The following CACNA2D3 variants were observed in gnomAD, a reference collection of about 807,000 sequenced individuals.
CACNA2D3 encodes voltage-dependent calcium channel subunit alpha-2/delta-3.
A neutral mutation model predicts 160.6 loss-of-function variants in CACNA2D3; 60 were observed. The observed-to-expected ratio is 0.37, with a 90% CI of 0.30 to 0.46. CACNA2D3 has a LOEUF of 0.46. Ranked by LOEUF, CACNA2D3 falls within the 20% of genes least tolerant of loss-of-function variation. The pLI, the probability that CACNA2D3 is intolerant of heterozygous loss-of-function variation, is 1.00. For synonymous variants in CACNA2D3, 558 were observed against 492.9 expected (o/e 1.13, Z -1.75); for missense variants, 1,205 against 1,365.0 (o/e 0.88, Z 1.85).
chr3:54,567,109 C>T (rs1205283054), intron 6 of CACNA2D3, among the ~76,000 whole-genome samples: 1 of 152,158 alleles, frequency 6.6e-6, no homozygotes, highest in Non-Finnish European at 1.5e-5. Flanking sequence ...GCTATATCCT[C>T]ATATTCATGG....
At chr3:54,574,909 C>T (rs1575354787) in intron 8 of CACNA2D3, among the ~76,000 whole-genome samples, 1 of 152,192 alleles carries the variant, frequency 6.6e-6, no homozygotes, top group East Asian at 1.9e-4. Context: ...CTTTCTGATG[C>T]CCTGGTTTTA....
chr3:54,263,437 T>A (rs1702440453), intron 2 of CACNA2D3, among the ~76,000 whole-genome samples: 1 of 152,208 alleles, frequency 6.6e-6, no homozygotes, highest in Non-Finnish European at 1.5e-5. Flanking sequence ...ACTATGATTT[T>A]ACAGAAGAGG....
intron 27 of CACNA2D3, among the ~76,000 whole-genome samples, chr3:54,926,738 T>C (rs1476282402): frequency 6.6e-6 from 1 of 152,192 alleles, no homozygotes; most frequent in Non-Finnish European, 1.5e-5. Context: ...TATTAATATT[T>C]ACCCCCACTC....
intron 4 of CACNA2D3, among the ~76,000 whole-genome samples, chr3:54,464,073 C>T (rs955367992): frequency 6.6e-6 from 1 of 152,220 alleles, no homozygotes; most frequent in African/African-American, 2.4e-5. Context: ...GCAGCGGTGG[C>T]TGCAGAACAG....
chr3:54,939,140 C>T (rs764631974), intron 27 of CACNA2D3, among the ~76,000 whole-genome samples: 1 of 152,222 alleles, frequency 6.6e-6, no homozygotes, highest in African/African-American at 2.4e-5. Context: ...CATCCTTAAA[C>T]TCTCAAGGCT....
At chr3:54,531,850 A>G (rs894724713) in intron 5 of CACNA2D3, among the ~76,000 whole-genome samples, 1 of 152,242 alleles carries the variant, frequency 6.6e-6, no homozygotes, top group African/African-American at 2.4e-5. Context: ...CCATGTTGTC[A>G]CTGCGCTAGT....
chr3:54,755,302 G>A (rs1463628833), intron 12 of CACNA2D3, among the ~76,000 whole-genome samples: 1 of 152,110 alleles, frequency 6.6e-6, no homozygotes, highest in African/African-American at 2.4e-5. Context: ...AAATGCTTCT[G>A]TGGGGGGGCT....
chr3:54,362,682 T>A (rs1316144420), intron 3 of CACNA2D3, among the ~76,000 whole-genome samples: 1 of 152,208 alleles, frequency 6.6e-6, no homozygotes, highest in Non-Finnish European at 1.5e-5. Flanking sequence ...GGGATTTGAT[T>A]ACTACCAGCC....
intron 27 of CACNA2D3, among the ~76,000 whole-genome samples, chr3:54,916,699 G>A (rs968964914): frequency 3.3e-5 from 5 of 152,158 alleles, no homozygotes; most frequent in African/African-American, 1.2e-4. Flanking sequence ...CTGCACAGTA[G>A]GAAGTGATAG....
intron 35 of CACNA2D3, among the ~76,000 whole-genome samples, chr3:55,058,909 G>A (rs1346734289): frequency 6.6e-6 from 1 of 152,056 alleles, no homozygotes; most frequent in East Asian, 1.9e-4. Context: ...GATTTAAACG[G>A]TGTGATACTT....
At chr3:54,579,459 G>C (rs1457758280) in intron 8 of CACNA2D3, among the ~76,000 whole-genome samples, 1 of 152,146 alleles carries the variant, frequency 6.6e-6, no homozygotes, top group Admixed American at 6.5e-5. Flanking sequence ...GTATAGATGA[G>C]TTTTCCCTTA....
intron 2 of CACNA2D3, among the ~76,000 whole-genome samples, chr3:54,162,876 T>G (rs1286256103): frequency 6.6e-6 from 1 of 152,110 alleles, no homozygotes; most frequent in African/African-American, 2.4e-5. Flanking sequence ...TAATATATAA[T>G]GTAATTTCAG....
chr3:54,231,707 T>A (rs1287811908), intron 2 of CACNA2D3, among the ~76,000 whole-genome samples: 1 of 152,338 alleles, frequency 6.6e-6, no homozygotes, highest in Admixed American at 6.5e-5. Flanking sequence ...TTTATAAAAA[T>A]TTGTTGAATG....
rs561858062 is a variant in CACNA2D3 at position 54,428,927 on chromosome 3, A to G, written c.381+42153A>G. Among the ~76,000 whole-genome samples the G allele has an allele frequency of 5.9e-5, 9 of 152,352 alleles. No individual in the cohort carries two copies. The East Asian group carries it at 1.7e-3, about 29-fold the overall frequency. ...TTGTGAGGAAGGAAAAATCTGTCTT[A>G]CCATTGGGGCTTTGCCCTTGACACT... is the stretch of plus-strand genomic sequence containing the variant. On this transcript the variant is annotated intron_variant, in intron 4 of 37. Transcript: ENST00000474759.
chr3:54,769,929 T>C (rs1185081218), intron 13 of CACNA2D3, among the ~76,000 whole-genome samples: 2 of 152,154 alleles, frequency 1.3e-5, no homozygotes, highest in South Asian at 2.1e-4. Flanking sequence ...GGTGCCTGGG[T>C]CAGTGTCCCC....
intron 2 of CACNA2D3, among the ~76,000 whole-genome samples, chr3:54,144,748 G>A (rs1210138401): frequency 6.6e-6 from 1 of 152,204 alleles, no homozygotes; most frequent in Non-Finnish European, 1.5e-5. Context: ...AAAATAATAT[G>A]CACTTACGGA....
intron 4 of CACNA2D3, among the ~76,000 whole-genome samples, chr3:54,449,988 A>G (rs1413446385): frequency 2.0e-5 from 3 of 152,176 alleles, no homozygotes; most frequent in East Asian, 1.9e-4. Context: ...ATAATTGGAA[A>G]CACCAGTTGT....
intron 21 of CACNA2D3, among the ~76,000 whole-genome samples, chr3:54,883,502 GC>G (rs1699850424): frequency 6.6e-6 from 1 of 152,130 alleles, no homozygotes; most frequent in Non-Finnish European, 1.5e-5. Context: ...CAGAGAAGAA[GC>G]AGTCAAAAAG....
intron 9 of CACNA2D3, among the ~76,000 whole-genome samples, chr3:54,585,944 A>G (rs778868650): frequency 6.6e-6 from 1 of 152,160 alleles, no homozygotes; most frequent in African/African-American, 2.4e-5. Flanking sequence ...ACATGATCCA[A>G]CCGTATGACC....
Sources: allele counts gnomAD v4.1 joint callset (sites outside exome capture counted in the v4.1 genomes callset), GRCh38; gene constraint gnomAD v4.1.1; transcripts MANE v1.5; gene names NCBI Gene and HGNC (gene_info 2026-07-23, HGNC 2026-07-21).